The following DLGAP4 variants were observed in gnomAD, a reference collection of about 807,000 sequenced individuals.
DLGAP4 encodes the protein DLG associated protein 4, also known as disks large-associated protein 4.
DLGAP4 carries 18 observed loss-of-function variants against 86.9 expected under a neutral mutation model. The observed-to-expected ratio is 0.21, with a 90% CI of 0.14 to 0.31. The LOEUF (loss-of-function observed/expected upper bound fraction) is 0.31. Among genes scored for constraint, DLGAP4 ranks in the 10% least tolerant of loss-of-function variants. The probability of loss-of-function intolerance (pLI) is 1.00; values close to 1 mark genes in which losing one functional copy is unlikely to be tolerated. For synonymous variants in DLGAP4, 548 were observed against 574.3 expected, an observed-to-expected ratio of 0.95 and a Z score of 0.65; for missense variants, 1,085 against 1,362.6, an observed-to-expected ratio of 0.80 and a Z score of 3.21.
intron 1 of DLGAP4, among the ~76,000 whole-genome samples, chr20:36,363,022 C>A (rs1358507349): frequency 1.3e-5 from 2 of 152,324 alleles, no homozygotes; most frequent in Non-Finnish European, 2.9e-5. Flanking sequence ...GGAGTTCATA[C>A]TTTTGAGTCC....
chr20:36,368,703 T>A (rs1485502250), intron 2 of DLGAP4, among the ~76,000 whole-genome samples: 1 of 152,218 alleles, frequency 6.6e-6, no homozygotes. Flanking sequence ...CACCTTATTG[T>A]GCTCAAGGAA....
chr20:36,340,573 T>G (rs1555892401), intron 1 of DLGAP4, among the ~76,000 whole-genome samples: 2 of 152,114 alleles, frequency 1.3e-5, no homozygotes. Flanking sequence ...CTGGCCTCCT[T>G]GCACCCTGGT....
intron 4 of DLGAP4, 122 bp from the exon 5 acceptor site, chr20:36,439,631 AC>A: frequency 1.3e-6 from 1 of 777,992 alleles, no homozygotes; most frequent in Non-Finnish European, 2.1e-6. Context: ...TGGTGCTGCC[AC>A]CCTGCGGCTG....
At chr20:36,463,572 C>T (rs993251502) in intron 7 of DLGAP4, among the ~76,000 whole-genome samples, 1 of 152,196 alleles carries the variant, frequency 6.6e-6, no homozygotes, top group African/African-American at 2.4e-5. Context: ...GGCCCCAATC[C>T]TGCTTGTTCT....
intron 1 of DLGAP4, among the ~76,000 whole-genome samples, chr20:36,329,220 T>C (rs1319252412): frequency 6.6e-6 from 1 of 152,092 alleles, no homozygotes; most frequent in Non-Finnish European, 1.5e-5. Context: ...AAGGTTGGAA[T>C]TTTATCTATG....
intron 2 of DLGAP4, among the ~76,000 whole-genome samples, chr20:36,411,388 A>G (rs1029414989): frequency 3.3e-5 from 5 of 152,040 alleles, no homozygotes; most frequent in African/African-American, 4.8e-5. Flanking sequence ...ACTTTACAGT[A>G]CCTTTGGAGA....
At chr20:36,433,248 G>C (rs1306211469) in intron 3 of DLGAP4, among the ~76,000 whole-genome samples, 1 of 152,228 alleles carries the variant, frequency 6.6e-6, no homozygotes, top group African/African-American at 2.4e-5. Context: ...TTAGAATACT[G>C]GGAAAGACAT....
intron 2 of DLGAP4, among the ~76,000 whole-genome samples, chr20:36,388,449 C>T (rs1211892203): frequency 2.0e-5 from 3 of 152,310 alleles, no homozygotes; most frequent in Admixed American, 6.5e-5. Flanking sequence ...CCCCGTGGCC[C>T]ACCCTTCATT....
rs558719763 is a variant in DLGAP4, at chr20:36,338,366, A to G, written c.-303-28679A>G. 4.6e-5 allele frequency among the ~76,000 whole-genome samples: 7 copies of G among 152,320 alleles called. No homozygotes were observed. The East Asian group carries it at 1.2e-3, about 25-fold the overall frequency. On this transcript the variant is annotated intron_variant, in intron 1 of 12. Coordinates refer to ENST00000339266, the MANE Select transcript of DLGAP4 (RefSeq NM_001365621.2). ...CACCTGAGGTCGGGAGTTCAAGACC[A>G]GCCTGAGCAACATGGAGAAACCCTG...
intron 8 of DLGAP4, 189 bp from the exon 9 acceptor site, chr20:36,499,399 G>GA: frequency 8.3e-7 from 1 of 1,205,716 alleles, no homozygotes; most frequent in Non-Finnish European, 1.1e-6. Context: ...GCCTCCACGC[G>GA]AATGAGCAGT....
intron 1 of DLGAP4, among the ~76,000 whole-genome samples, chr20:36,353,591 G>T (rs2030231772): frequency 3.9e-5 from 6 of 152,356 alleles, no homozygotes; most frequent in Admixed American, 3.3e-4. Context: ...GCCACAGGGG[G>T]CCCAGGAGCC....
chr20:36,528,203 C>CT lies in DLGAP4; in HGVS notation c.*1173dup, dbSNP rs1394441718. On this transcript the variant is annotated 3_prime_UTR_variant, in exon 13 of 13. Coordinates refer to ENST00000339266, the MANE Select transcript of DLGAP4 (RefSeq NM_001365621.2). ...TCCTAAGGGCCCATCTGCCCAGCCTCTGAGTTTTCTGTTCTATTTTTTTTT... is the reference window on the plus strand; with the variant it reads ...TCCTAAGGGCCCATCTGCCCAGCCTCTTGAGTTTTCTGTTCTATTTTTTTTT... 6.6e-6 allele frequency: 1 copy of CT among 151,366 alleles called. No homozygotes were observed. Among genetic ancestry groups the CT allele is most frequent in the Non-Finnish European group, 1.5e-5 (1 of 67,844 alleles). 9.4% of individuals were successfully genotyped at this position (151,366 alleles called of 1,614,324 possible). A position where few individuals can be genotyped will look rare whatever the true frequency, so the allele number is the denominator to read the frequency against.
Position 36,440,809 on chromosome 20 carries a change from C to T in DLGAP4, c.1356+941C>T, listed in dbSNP as rs556339407. 3.3e-5 allele frequency among the ~76,000 whole-genome samples: 5 copies of T among 152,056 alleles called. No individual in the cohort carries two copies. The South Asian group carries it at 1.0e-3, about 32-fold the overall frequency. On this transcript the variant is annotated intron_variant, in intron 5 of 12. Coordinates refer to ENST00000339266, the MANE Select transcript of DLGAP4 (RefSeq NM_001365621.2). ...GAAGGCAGACACCTACTGGTAGTAG[C>T]AGTTAGGCAGTGGGGCGGCCAGGTG...
chr20:36,398,490 G>A (rs2032062960), intron 2 of DLGAP4, among the ~76,000 whole-genome samples: 1 of 152,202 alleles, frequency 6.6e-6, no homozygotes, highest in African/African-American at 2.4e-5. Flanking sequence ...GGTCAAAGGA[G>A]TGATGTTTAT....
chr20:36,364,571 C>T (rs2030621962), intron 1 of DLGAP4, among the ~76,000 whole-genome samples: 1 of 152,160 alleles, frequency 6.6e-6, no homozygotes, highest in Admixed American at 6.5e-5. Context: ...AGTCCCTGTC[C>T]CCACACTGGG....
intron 1 of DLGAP4, among the ~76,000 whole-genome samples, chr20:36,351,246 G>A (rs2030141526): frequency 6.6e-6 from 1 of 152,194 alleles, no homozygotes; most frequent in South Asian, 2.1e-4. Flanking sequence ...ACTTATAAAT[G>A]GCAGACCCCC....
chr20:36,404,348 G>C (rs1190104564), intron 2 of DLGAP4, among the ~76,000 whole-genome samples: 1 of 152,182 alleles, frequency 6.6e-6, no homozygotes, highest in Non-Finnish European at 1.5e-5. Context: ...GGGCATGCCA[G>C]AGGGGGACAC....
chr20:36,497,461 G>A (rs1184910535), intron 8 of DLGAP4: 7 of 1,045,714 alleles, frequency 6.7e-6, no homozygotes, highest in Non-Finnish European at 8.1e-6. Context: ...GCTCGGGTGC[G>A]GAGGCCATAG....
At chr20:36,490,088 C>T (rs1276602611) in intron 7 of DLGAP4, among the ~76,000 whole-genome samples, 1 of 151,926 alleles carries the variant, frequency 6.6e-6, no homozygotes, top group Non-Finnish European at 1.5e-5. Context: ...GAACTCCTGA[C>T]CTCAGATGAT....
Sources: gnomAD v4.1 joint callset for allele counts (sites outside exome capture counted in the v4.1 genomes callset) on GRCh38, gnomAD v4.1.1 for gene constraint, MANE v1.5 for transcripts, NCBI Gene and HGNC (gene_info 2026-07-23, HGNC 2026-07-21) for gene names.